Variants in SCARA5 observed in about 807,000 individuals in gnomAD.
SCARA5 encodes scavenger receptor class A member 5, also known as scavenger receptor class A, member 5 (putative).
A neutral mutation model predicts 46.3 loss-of-function variants in SCARA5; 45 were observed. The ratio of observed to expected loss-of-function variants is 0.97; its 90% confidence interval spans 0.76 to 1.24. The LOEUF is 1.24. Ranked by LOEUF, SCARA5 falls within the 50% of genes most tolerant of loss-of-function variation. The pLI is 0.00. For synonymous variants in SCARA5, 333 were observed against 306.5 expected (o/e 1.09, Z -0.90); for missense variants, 680 against 689.0 (o/e 0.99, Z 0.15).
intron 4 of SCARA5, among the ~76,000 whole-genome samples, chr8:27,919,072 G>T (rs1807536664): frequency 1.4e-5 from 2 of 141,588 alleles, no homozygotes; most frequent in East Asian, 4.2e-4. Context: ...GAAGGGAGGA[G>T]GAGGAGAGAA....
intron 3 of SCARA5, among the ~76,000 whole-genome samples, chr8:27,932,957 C>T (rs1413104059): frequency 6.6e-6 from 1 of 152,362 alleles, no homozygotes; most frequent in East Asian, 1.9e-4. Context: ...ATAAGGACAG[C>T]AGTCCTATGG....
chr8:27,940,759 T>C (rs111701742), intron 3 of SCARA5, among the ~76,000 whole-genome samples: 305 of 29,050 alleles, frequency 0.01, 3 homozygotes, highest in African/African-American at 0.035. Flanking sequence ...CCCAACCATC[T>C]GTCCATCCAT....
intron 4 of SCARA5, among the ~76,000 whole-genome samples, chr8:27,917,258 T>C (rs922670880): frequency 6.6e-5 from 10 of 152,096 alleles, no homozygotes; most frequent in Non-Finnish European, 1.3e-4. Context: ...CAGAACTGAG[T>C]GTAAAACTTA....
At chr8:27,936,938 G>T (rs1807867029) in intron 3 of SCARA5, among the ~76,000 whole-genome samples, 1 of 152,226 alleles carries the variant, frequency 6.6e-6, no homozygotes, top group South Asian at 2.1e-4. Flanking sequence ...TGTGCAAATG[G>T]GATCCAAGAT....
intron 4 of SCARA5, among the ~76,000 whole-genome samples, chr8:27,916,073 C>G (rs965788626): frequency 1.3e-5 from 2 of 152,136 alleles, no homozygotes; most frequent in African/African-American, 4.8e-5. Context: ...CTGATTAATG[C>G]TAAAAATCCA....
chr8:27,938,178 C>T (rs940974550), intron 3 of SCARA5, among the ~76,000 whole-genome samples: 5 of 152,250 alleles, frequency 3.3e-5, no homozygotes, highest in Middle Eastern at 6.8e-3. Flanking sequence ...TAGAACCAAG[C>T]GCTTCCTCAA....
chr8:27,967,004 G>T (rs73669114), intron 2 of SCARA5, among the ~76,000 whole-genome samples: 2 of 152,212 alleles, frequency 1.3e-5, no homozygotes, highest in Admixed American at 6.5e-5. Flanking sequence ...GGAGGCCAAC[G>T]GCACGTGCCT....
At chr8:27,941,977 C>G (rs1017510087) in intron 3 of SCARA5, among the ~76,000 whole-genome samples, 1 of 151,810 alleles carries the variant, frequency 6.6e-6, no homozygotes, top group African/African-American at 2.4e-5. Flanking sequence ...CAGGCGTGCA[C>G]CTTCACACTC....
chr8:27,889,549 C>A (rs1446562642), intron 7 of SCARA5, among the ~76,000 whole-genome samples: 1 of 152,210 alleles, frequency 6.6e-6, no homozygotes, highest in Non-Finnish European at 1.5e-5. Context: ...TCCATCTACA[C>A]CCTCCTTTCT....
chr8:27,958,188 G>A (rs1808235144), intron 3 of SCARA5, among the ~76,000 whole-genome samples: 1 of 152,182 alleles, frequency 6.6e-6, no homozygotes, highest in African/African-American at 2.4e-5. Context: ...TGTTTCAGCT[G>A]TCTCTGCCCC....
intron 5 of SCARA5, 40 bp downstream of exon 5, chr8:27,909,623 G>C (rs1268324918): frequency 1.5e-6 from 2 of 1,359,428 alleles, no homozygotes; most frequent in East Asian, 2.5e-5. Flanking sequence ...AGATGGATTG[G>C]GGATCTCTCC....
At chr8:27,897,354 C>T (rs995952806) in intron 7 of SCARA5, among the ~76,000 whole-genome samples, 3 of 152,178 alleles carry the variant, frequency 2.0e-5, no homozygotes, top group East Asian at 1.9e-4. Context: ...AGATTAAGGA[C>T]GATTCCCAAG....
chr8:27,972,377 T>C (rs1285357446), intron 2 of SCARA5, among the ~76,000 whole-genome samples: 1 of 151,960 alleles, frequency 6.6e-6, no homozygotes, highest in Non-Finnish European at 1.5e-5. Context: ...AAGTAGACAC[T>C]TTAACAGATT....
At chr8:27,957,684 G>A (rs751501610) in intron 3 of SCARA5, among the ~76,000 whole-genome samples, 13 of 152,246 alleles carry the variant, frequency 8.5e-5, no homozygotes, top group Admixed American at 2.0e-4. Context: ...CTGTGGGGCC[G>A]TGGGCCAGAG....
At position 27,888,805 on chromosome 8, in the gene SCARA5, C is replaced by G. The variant is rs1262095180; in HGVS notation, c.1154-9039G>C. Among the ~76,000 whole-genome samples the G allele has an allele frequency of 4.6e-5, 7 of 152,308 alleles. No individual in the cohort carries two copies. The South Asian group carries it at 8.3e-4, about 18-fold the overall frequency. ...AGTGCTGTCACCTCAAAGCCCAGAC[C>G]AGAGCATCCCTGCCTGGTTTCACTG... On this transcript the variant is annotated intron_variant, in intron 7 of 8. Coordinates refer to ENST00000354914, the MANE Select transcript of SCARA5 (RefSeq NM_173833.6).
intron 3 of SCARA5, among the ~76,000 whole-genome samples, chr8:27,965,859 C>T (rs1301996698): frequency 6.6e-6 from 1 of 152,216 alleles, no homozygotes; most frequent in Non-Finnish European, 1.5e-5. Flanking sequence ...CTGTTCCATC[C>T]CTTCTTGAGT....
chr8:27,950,593 CCCAG>C (rs1808108609), intron 3 of SCARA5, among the ~76,000 whole-genome samples: 1 of 152,152 alleles, frequency 6.6e-6, no homozygotes, highest in Admixed American at 6.6e-5. Context: ...CAGAGCATGA[CCCAG>C]AAGGAGGGAC....
intron 7 of SCARA5, among the ~76,000 whole-genome samples, chr8:27,881,976 A>G (rs896516920): frequency 3.3e-5 from 5 of 152,236 alleles, no homozygotes; most frequent in Admixed American, 6.5e-5. Flanking sequence ...TTACGATATC[A>G]TACAGAATCT....
chr8:27,944,832 T>C (rs1808008382), intron 3 of SCARA5, among the ~76,000 whole-genome samples: 1 of 151,988 alleles, frequency 6.6e-6, no homozygotes, highest in African/African-American at 2.4e-5. Flanking sequence ...ATCACGCCAC[T>C]GCACTCGTCT....
Sources: allele counts gnomAD v4.1 joint callset (sites outside exome capture counted in the v4.1 genomes callset), GRCh38; gene constraint gnomAD v4.1.1; transcripts MANE v1.5; gene names NCBI Gene and HGNC (gene_info 2026-07-23, HGNC 2026-07-21).